NYNRIN: variants seen among roughly 807,000 people sequenced by gnomAD.
NYNRIN encodes protein NYNRIN.
A neutral mutation model predicts 146.6 loss-of-function variants in NYNRIN; 86 were observed. The observed-to-expected ratio is 0.59, with a 90% CI of 0.49 to 0.70. The LOEUF (loss-of-function observed/expected upper bound fraction) is 0.70, where lower values mean the gene tolerates loss of function less well. Among genes scored for constraint, NYNRIN ranks in the 30% least tolerant of loss-of-function variants. NYNRIN has a pLI of 0.00. For synonymous variants in NYNRIN, 1,027 were observed against 1,001.3 expected (o/e 1.03, Z -0.48); for missense variants, 2,191 against 2,377.7 (o/e 0.92, Z 1.63).
At position 24,411,100 on chromosome 14, in the gene NYNRIN, C is replaced by T; in HGVS notation, c.2439C>T (p.Ser813=). ...GGCATGGCCTGCAGCACTTCTTCTC[C>T]TGCCGAGGAATTGCCATGGCAGTGC... is the stretch of plus-strand genomic sequence containing the variant. ...AMVHGLQHFF[S]CRGIAMAVQF... is the part of the protein sequence containing the mutation. Residue 813 remains serine, a synonymous_variant, in exon 5 of 9, where the codon TCC becomes TCT. Coordinates refer to ENST00000382554, the MANE Select transcript of NYNRIN (RefSeq NM_025081.3). This position sits in a 1 kb window ranked among gnomAD's most constrained non-coding sequence, Gnocchi z 4.3. The T allele has an allele frequency of 6.2e-7, 1 of 1,613,828 alleles. No individual in the cohort carries two copies. Among genetic ancestry groups the T allele is most frequent in the Non-Finnish European group, 8.5e-7 (1 of 1,179,842 alleles).
chr14:24,415,350 G>C lies in NYNRIN; in HGVS notation c.3601G>C (p.Gly1201Arg). 1 of 1,613,954 alleles carries C rather than the reference G, an allele frequency of 6.2e-7. No homozygotes were observed. The highest frequency in any genetic ancestry group is 8.5e-7 in the Non-Finnish European group (1 of 1,179,874). The stretch of plus-strand genomic sequence containing the variant: ...CCTCCTCCCTGATGAGGAGAGCCAG[G>C]GCCCCCAGTCAGGGGGTGACAGCCC... Reference protein sequence around the residue: ...KPLLPDEESQGPQSGGDSPYA... With the variant: ...KPLLPDEESQRPQSGGDSPYA... The change falls in exon 9 of 9, where the codon GGC (glycine) becomes CGC (arginine). Residue 1201 changes from glycine to arginine, a missense_variant. By Grantham distance (125) the Gly-to-Arg change is moderately radical (BLOSUM62 -2). Around this residue, in one of 3 missense-constraint regions of NYNRIN, gnomAD observed 1,291 missense variants for 1,417.0 expected, o/e 0.91. Transcript: ENST00000382554.
chr14:24,406,201 A>AAAAATAAAATAAAATAAAATAAAAT (rs71119077), intron 2 of NYNRIN, among the ~76,000 whole-genome samples: 2,326 of 127,868 alleles, frequency 0.018, 58 homozygotes, highest in South Asian at 0.027. Flanking sequence ...CTCTGCCTCA[A>AAAAATAAAATAAAATAAAATAAAAT]AAAATAAAAT....
Position 24,415,749 on chromosome 14 carries a change from C to T in NYNRIN, c.4000C>T (p.Pro1334Ser), listed in dbSNP as rs2042940676. ...TGGCTTTGGTCTCTATGTTCTATCG[C>T]CCACCAGCCCCCCTGTCTCCCTTTC... is the stretch of plus-strand genomic sequence containing the variant. The part of the protein sequence containing the change: ...CAGFGLYVLS[P>S]TSPPVSLSFS... The change falls in exon 9 of 9, where the codon CCC becomes TCC. Residue 1334 changes from proline (P) to serine (S), a missense_variant. By Grantham distance (74) the Pro-to-Ser change is moderately conservative. This residue lies in a region of NYNRIN where 1,291 missense variants were observed against 1,417.0 expected (regional missense o/e 0.91). Coordinates refer to ENST00000382554, the MANE Select transcript of NYNRIN (RefSeq NM_025081.3). 2 of 1,613,518 alleles carry T rather than the reference C, an allele frequency of 1.2e-6. No individual in the cohort carries two copies. The highest frequency in any genetic ancestry group is 2.2e-5 in the East Asian group (1 of 44,880).
At chr14:24,406,638 G>A (rs1163582603) in intron 2 of NYNRIN, among the ~76,000 whole-genome samples, 2 of 152,258 alleles carry the variant, frequency 1.3e-5, no homozygotes. Flanking sequence ...ATGGCCCGGG[G>A]ACTGAGCAGA....
intron 4 of NYNRIN, among the ~76,000 whole-genome samples, chr14:24,410,736 C>G (rs1479604030): frequency 6.6e-6 from 1 of 152,222 alleles, no homozygotes; most frequent in African/African-American, 2.4e-5. Context: ...GAGCACACTC[C>G]CAGCACACTG....
chr14:24,413,932 A>C (rs971140332), intron 8 of NYNRIN, among the ~76,000 whole-genome samples: 2 of 152,208 alleles, frequency 1.3e-5, no homozygotes, highest in Non-Finnish European at 2.9e-5. Flanking sequence ...TTCGATCCTC[A>C]CAACTTGAGT....
chr14:24,407,828 C>T lies in NYNRIN; in HGVS notation c.199-41C>T, dbSNP rs1273839649. ...CGAGGGCAGATCCAGGGGCAGGCCC[C>T]CAACGGGCTGACTTCATTGTGTTCT... On this transcript the variant is annotated intron_variant, in intron 2 of 8. Coordinates refer to ENST00000382554, the MANE Select transcript of NYNRIN (RefSeq NM_025081.3). 5 of 1,539,518 alleles carry T rather than the reference C, an allele frequency of 3.2e-6. No individual in the cohort carries two copies. In the African/African-American group the frequency reaches 5.5e-5, roughly 17 times the overall value.
chr14:24,414,698 G>A lies in NYNRIN; in HGVS notation c.2949G>A (p.Leu983=). ...GTGATGACGCTGACTCTGGGCCCCT[G>A]GAGAGTCTGCCGAATATGGAAGAAG... ...ELSDDADSGP[L]ESLPNMEEVR... is the part of the protein sequence containing the mutation. Residue 983 remains leucine, a synonymous_variant, in exon 9 of 9, where the codon CTG becomes CTA. Coordinates refer to ENST00000382554, the MANE Select transcript of NYNRIN (RefSeq NM_025081.3). The A allele has an allele frequency of 6.2e-7, 1 of 1,613,638 alleles. No individual in the cohort carries two copies. Among genetic ancestry groups the A allele is most frequent in the Non-Finnish European group, 8.5e-7 (1 of 1,179,726 alleles).
chr14:24,402,333 C>T (rs2042849435), intron 2 of NYNRIN, among the ~76,000 whole-genome samples: 1 of 152,030 alleles, frequency 6.6e-6, no homozygotes, highest in South Asian at 2.1e-4. Flanking sequence ...CCGGGACAAG[C>T]CCTGCTCCAC....
Position 24,418,560 on chromosome 14 carries a change from T to A in NYNRIN, c.*1114T>A. ...TTCTTTGCAGAGATCACCCTTGCAGTGAGTGTGAGTTCCTTCCAGGTGTGT... is the reference window on the plus strand; with the variant it reads ...TTCTTTGCAGAGATCACCCTTGCAGAGAGTGTGAGTTCCTTCCAGGTGTGT... On this transcript the variant is annotated 3_prime_UTR_variant, in exon 9 of 9. Coordinates refer to ENST00000382554, the MANE Select transcript of NYNRIN (RefSeq NM_025081.3). The A allele has an allele frequency of 3.9e-6, 1 of 259,514 alleles. No individual in the cohort carries two copies. The allele number at this position is 259,514 out of a possible 1,614,324, so 16.1% of individuals were successfully genotyped here.
chr14:24,407,534 G>C (rs903698702), intron 2 of NYNRIN, among the ~76,000 whole-genome samples: 2 of 152,172 alleles, frequency 1.3e-5, no homozygotes, highest in African/African-American at 4.8e-5. Context: ...TCTTTTTCTT[G>C]GTGAAGAGAC....
In NYNRIN at chr14:24,417,458, G is replaced by A. The variant is rs534421533; in HGVS notation, c.*12G>A. 5 of 1,457,968 alleles carry A rather than the reference G, an allele frequency of 3.4e-6. No individual in the cohort carries two copies. The South Asian group carries it at 5.8e-5, about 17-fold the overall frequency. 90.3% of individuals were successfully genotyped at this position (1,457,968 alleles called of 1,614,324 possible). On this transcript the variant is annotated 3_prime_UTR_variant, in exon 9 of 9. Transcript: ENST00000382554. Reference sequence around the variant, plus strand: ...TCTTGGAGCAGTGAGCGGGAGCAGCGGGGGTGCCCCCTGCCCCAGGGCCGT... The same window carrying A: ...TCTTGGAGCAGTGAGCGGGAGCAGCAGGGGTGCCCCCTGCCCCAGGGCCGT...
Position 24,415,485 on chromosome 14 carries a change from G to C in NYNRIN, c.3736G>C (p.Glu1246Gln). The change falls in exon 9 of 9, where the codon GAG becomes CAG. Residue 1246 changes from glutamate (E) to glutamine (Q), a missense_variant. By Grantham distance (29) the Glu-to-Gln change is conservative (BLOSUM62 2). Transcript: ENST00000382554. ...GACCACTGCGGACCCTGAGGTGCGG[G>C]AGGGCCGCAGGGTTTCCAAAGCTTG... ...SRTTADPEVR[E>Q]GRRVSKAWLI... The C allele has an allele frequency of 6.2e-7, 1 of 1,613,860 alleles. No homozygotes were observed. The highest frequency in any genetic ancestry group is 8.5e-7 in the Non-Finnish European group (1 of 1,179,852).
intron 2 of NYNRIN, among the ~76,000 whole-genome samples, chr14:24,400,731 T>G (rs958904317): frequency 2.0e-5 from 3 of 152,056 alleles, no homozygotes; most frequent in Non-Finnish European, 4.4e-5. Flanking sequence ...TTAATCTTTT[T>G]GTTACTTTGA....
intron 6 of NYNRIN, chr14:24,412,709 T>A (rs1178141689): frequency 1.4e-5 from 4 of 281,594 alleles, no homozygotes; most frequent in Non-Finnish European, 2.7e-5. Context: ...TCTGTGTCTG[T>A]GCTTGTCTAT....
intron 2 of NYNRIN, among the ~76,000 whole-genome samples, chr14:24,405,038 G>GTGTGAGAA (rs542453195): frequency 6.7e-6 from 1 of 148,942 alleles, no homozygotes; most frequent in Admixed American, 6.7e-5. Context: ...GAGAGAATGT[G>GTGTGAGAA]TGTGTGTGAA....
intron 2 of NYNRIN, among the ~76,000 whole-genome samples, chr14:24,402,845 A>G (rs2042853294): frequency 6.6e-6 from 1 of 152,114 alleles, no homozygotes; most frequent in Admixed American, 6.5e-5. Flanking sequence ...GAAAAGTCCA[A>G]TTTTACCAAA....
Position 24,409,193 on chromosome 14 carries a change from G to C in NYNRIN, c.1399G>C (p.Asp467His), listed in dbSNP as rs149771079. The change falls in exon 4 of 9, where the codon GAT becomes CAT. Residue 467 changes from aspartate to histidine, a missense_variant. By Grantham distance (81) the Asp-to-His change is moderately conservative (BLOSUM62 -1). Around this residue, in one of 3 missense-constraint regions of NYNRIN, gnomAD observed 895 missense variants for 941.2 expected, o/e 0.95. Transcript: ENST00000382554. ...TTTATTGGTGGTCCCTGGGAGCTCA[G>C]ATGTAAAAGACAAAGTTAGCTCGGA... ...TSLLVVPGSS[D>H]VKDKVSSDLP... is the part of the protein sequence containing the mutation. The C allele has an allele frequency of 5.6e-6, 9 of 1,613,910 alleles. No individual in the cohort carries two copies. In the South Asian group the frequency reaches 9.9e-5, roughly 18 times the overall value.
chr14:24,407,742 G>A (rs1401532286), intron 2 of NYNRIN, 127 bp from the exon 3 acceptor site: 9 of 836,352 alleles, frequency 1.1e-5, no homozygotes, highest in African/African-American at 5.1e-5. Flanking sequence ...TTGGCTCATG[G>A]TGGATGGGGG....
Sources: allele counts gnomAD v4.1 joint callset (sites outside exome capture counted in the v4.1 genomes callset), GRCh38; gene constraint gnomAD v4.1.1; regional missense constraint gnomAD v4.1.1; non-coding constraint Gnocchi (gnomAD v3.1); transcripts MANE v1.5; gene names NCBI Gene and HGNC (gene_info 2026-07-23, HGNC 2026-07-21).